The following JAML variants were observed in gnomAD, a reference collection of about 807,000 sequenced individuals.
JAML encodes junction adhesion molecule like, also known as junctional adhesion molecule-like.
In JAML, 25 loss-of-function variants were observed where a neutral mutation model predicts 39.3. The observed-to-expected ratio is 0.64, with a 90% confidence interval of 0.46 to 0.89. The LOEUF is 0.89. Ranked by LOEUF, JAML falls within the 40% of genes least tolerant of loss-of-function variation. The probability of loss-of-function intolerance (pLI) is 0.00; values close to 1 mark genes in which losing one functional copy is unlikely to be tolerated. For missense variants in JAML, 440 were observed against 486.9 expected (o/e 0.90, Z 0.91); for synonymous variants, 162 against 179.2 (o/e 0.90, Z 0.77).
rs1266367052 is a variant in JAML, at chr11:118,222,348, A to T, written c.-21+2593T>A. Among the ~76,000 whole-genome samples, 6 of 152,110 alleles carry T rather than the reference A, an allele frequency of 3.9e-5. No homozygotes were observed. In the East Asian group the frequency reaches 1.2e-3, roughly 29 times the overall value. ...AGTGGGAGGATCACTTGAGCCCAGGAGGCTGAGGCTGCAGCGAGTTGTGAT... is the reference window on the plus strand; with the variant it reads ...AGTGGGAGGATCACTTGAGCCCAGGTGGCTGAGGCTGCAGCGAGTTGTGAT... On this transcript the variant is annotated intron_variant, in intron 1 of 9. Coordinates refer to ENST00000356289, the MANE Select transcript of JAML (RefSeq NM_001098526.2). The surrounding 1 kb of genome is among the most constrained non-coding windows in gnomAD (Gnocchi z 4.2).
At position 118,194,291 on chromosome 11, in the gene JAML, A is replaced by G; in HGVS notation, c.*34T>C. ...AGGACACACACAGGAGAGAGTCTCC[A>G]CCGCTGCTGAGATGAAGGGACTCTC... On this transcript the variant is annotated 3_prime_UTR_variant, in exon 10 of 10. Transcript: ENST00000356289. 1 of 1,568,612 alleles carries G rather than the reference A, an allele frequency of 6.4e-7. No individual in the cohort carries two copies. The highest frequency in any genetic ancestry group is 8.8e-7 in the Non-Finnish European group (1 of 1,138,828).
Position 118,205,806 on chromosome 11 carries a change from T to A in JAML, c.534+76A>T, listed in dbSNP as rs147977882. 6.4e-5 allele frequency: 88 copies of A among 1,365,616 alleles called. No homozygotes were observed. In the East Asian group the frequency reaches 1.9e-3, roughly 30 times the overall value. The allele number at this position is 1,365,616 out of a possible 1,614,324, so 84.6% of individuals were successfully genotyped here. On this transcript the variant is annotated intron_variant, in intron 5 of 9. Transcript: ENST00000356289. ...CCCAGGCTCTTGCAACACCTCCTCA[T>A]GTGCCTGATTCTACCTTTGTCCTGA...
At chr11:118,207,279 A>G (rs1948937692) in intron 4 of JAML, among the ~76,000 whole-genome samples, 1 of 152,238 alleles carries the variant, frequency 6.6e-6, no homozygotes, top group Non-Finnish European at 1.5e-5. Flanking sequence ...TAGACACCCT[A>G]TACACAGTAG....
intron 9 of JAML, among the ~76,000 whole-genome samples, chr11:118,194,758 A>G (rs1041769407): frequency 1.3e-5 from 2 of 152,232 alleles, no homozygotes; most frequent in African/African-American, 4.8e-5. Context: ...CACTACATTT[A>G]CATGAATTTC....
At chr11:118,206,790 T>C (rs2134660133) in intron 4 of JAML, among the ~76,000 whole-genome samples, 1 of 152,304 alleles carries the variant, frequency 6.6e-6, no homozygotes, top group East Asian at 1.9e-4. Context: ...ATTACATAAG[T>C]CATTTTAAGT....
chr11:118,199,704 T>C (rs1395937971), intron 7 of JAML, among the ~76,000 whole-genome samples: 7 of 146,368 alleles, frequency 4.8e-5, no homozygotes, highest in African/African-American at 1.8e-4. Flanking sequence ...TTTTTTTTTT[T>C]TTTTTTTTTT....
At chr11:118,212,857 G>T (rs1310457844) in intron 2 of JAML, 1 of 1,613,968 alleles carries the variant, frequency 6.2e-7, no homozygotes, top group South Asian at 1.1e-5. Context: ...AAGAAATAAG[G>T]GAAACCCCAG....
At chr11:118,215,239 C>T (rs913944001) in intron 1 of JAML, among the ~76,000 whole-genome samples, 58 of 152,182 alleles carry the variant, frequency 3.8e-4, no homozygotes, top group Non-Finnish European at 1.5e-4. Context: ...CAAATGATTG[C>T]AGGATGCCCT....
chr11:118,210,630 A>T lies in JAML; in HGVS notation c.281T>A (p.Ile94Asn), dbSNP rs17121881. The T allele has an allele frequency of 0.56, 898,420 of 1,613,878 alleles. 257,673 individuals are homozygous for T. The highest frequency in any genetic ancestry group is 0.72 in the South Asian group (65,859 of 91,080). ...FQNRVHLMGDILCNDGSLLLQ... is the reference protein window; with the variant it reads ...FQNRVHLMGDNLCNDGSLLLQ... Reference sequence around the variant, plus strand: ...CAGGAGAGAGCCATCATTGCATAAGATGTCCCCCATCAAGTGTACGCGGTT... The same window carrying T: ...CAGGAGAGAGCCATCATTGCATAAGTTGTCCCCCATCAAGTGTACGCGGTT... Residue 94 changes from isoleucine to asparagine, a missense_variant, in exon 4 of 10, where the codon ATC (isoleucine) becomes AAC (asparagine). Transcript: ENST00000356289.
chr11:118,197,454 A>C (rs556760757), intron 8 of JAML: 2 of 152,772 alleles, frequency 1.3e-5, no homozygotes, highest in East Asian at 3.9e-4. Flanking sequence ...CTCTAGAAGC[A>C]ATTATTTATA....
chr11:118,203,475 A>G lies in JAML; in HGVS notation c.725T>C (p.Val242Ala). ...YTCSIHLGNL[V>A]FKKTIVLHVS... ...ATGCAGCACAATGGTTTTCTTGAAC[A>G]CCAGGTTCCCTAGGTGGATACTGCA... The change falls in exon 6 of 10, where the codon GTG (valine) becomes GCG (alanine). Residue 242 changes from valine to alanine, a missense_variant. Val to Ala is a moderately conservative substitution (Grantham distance 64). Transcript: ENST00000356289. 1.2e-6 allele frequency: 2 copies of G among 1,614,170 alleles called. No homozygotes were observed. The highest frequency in any genetic ancestry group is 1.7e-6 in the Non-Finnish European group (2 of 1,180,026).
chr11:118,199,698 T>TA (rs913160784), intron 7 of JAML, among the ~76,000 whole-genome samples: 1 of 123,798 alleles, frequency 8.1e-6, no homozygotes, highest in Non-Finnish European at 1.7e-5. Flanking sequence ...TTATTATTTT[T>TA]TTTTTTTTTT....
At chr11:118,208,744 G>T (rs1948977704) in intron 4 of JAML, among the ~76,000 whole-genome samples, 1 of 152,170 alleles carries the variant, frequency 6.6e-6, no homozygotes, top group Non-Finnish European at 1.5e-5. Context: ...TTTCATTTAT[G>T]TATTTTTATT....
In JAML at chr11:118,194,259, G is replaced by A; in HGVS notation, c.*66C>T. On this transcript the variant is annotated 3_prime_UTR_variant, in exon 10 of 10. Coordinates refer to ENST00000356289, the MANE Select transcript of JAML (RefSeq NM_001098526.2). ...GCGGGAGTCTGAAATCACTGGTAGAGTGGCCCAGGACACACACAGGAGAGA... is the reference window on the plus strand; with the variant it reads ...GCGGGAGTCTGAAATCACTGGTAGAATGGCCCAGGACACACACAGGAGAGA... 2 of 1,390,034 alleles carry A rather than the reference G, an allele frequency of 1.4e-6. No individual in the cohort carries two copies. Among genetic ancestry groups the A allele is most frequent in the South Asian group, 2.3e-5 (2 of 86,002 alleles). The allele number at this position is 1,390,034 out of a possible 1,614,324, so 86.1% of individuals were successfully genotyped here.
At chr11:118,206,330 C>T (rs1281569668) in intron 4 of JAML, among the ~76,000 whole-genome samples, 4 of 152,178 alleles carry the variant, frequency 2.6e-5, no homozygotes, top group Non-Finnish European at 5.9e-5. Context: ...TTTCTCTTTC[C>T]CCTTTTCCAG....
Position 118,214,884 on chromosome 11 carries a change from A to G in JAML, c.-18T>C, listed in dbSNP as rs746273163. 16 of 1,613,612 alleles carry G rather than the reference A, an allele frequency of 9.9e-6. No individual in the cohort carries two copies. Among genetic ancestry groups the G allele is most frequent in the Admixed American group, 3.3e-5 (2 of 59,964 alleles). On this transcript the variant is annotated splice_region_variant and 5_prime_UTR_variant, in exon 2 of 10. Coordinates refer to ENST00000356289, the MANE Select transcript of JAML (RefSeq NM_001098526.2). ...CAAAACATGCTGCTCTCAACTTTCA[A>G]ATCTTAAGATAAAAGAACAAAAATC...
At chr11:118,195,941 C>G (rs1445663295) in intron 9 of JAML, among the ~76,000 whole-genome samples, 1 of 151,946 alleles carries the variant, frequency 6.6e-6, no homozygotes, top group African/African-American at 2.4e-5. Flanking sequence ...AAGCAATTCT[C>G]CTGCCTCAGC....
intron 5 of JAML, chr11:118,204,894 T>TA (rs1948886073): frequency 6.6e-6 from 1 of 152,200 alleles, no homozygotes; most frequent in South Asian, 2.1e-4. Flanking sequence ...TTAAAGCTTT[T>TA]AAGAAAAGTT....
intron 1 of JAML, among the ~76,000 whole-genome samples, chr11:118,219,663 G>T (rs1949188220): frequency 6.6e-6 from 1 of 152,176 alleles, no homozygotes; most frequent in Admixed American, 6.5e-5. Flanking sequence ...TCCTATGACT[G>T]TCTTGGTAAA....
Sources: allele counts gnomAD v4.1 joint callset (sites outside exome capture counted in the v4.1 genomes callset), GRCh38; gene constraint gnomAD v4.1.1; non-coding constraint Gnocchi (gnomAD v3.1); transcripts MANE v1.5; gene names NCBI Gene and HGNC (gene_info 2026-07-23, HGNC 2026-07-21).